Variants in RTL4 observed in about 807,000 individuals in gnomAD.
RTL4 encodes retrotransposon Gag-like protein 4.
A neutral mutation model predicts 5.3 loss-of-function variants in RTL4; 4 were observed. That is an observed-to-expected ratio of 0.75 (90% CI 0.37 to 1.72). The LOEUF (loss-of-function observed/expected upper bound fraction) is 1.72, where lower values mean the gene tolerates loss of function less well. Ranked by LOEUF, RTL4 falls within the 40% of genes most tolerant of loss-of-function variation. RTL4 has a pLI of 0.04. For synonymous variants in RTL4, 98 were observed against 87.3 expected (o/e 1.12, Z -0.68); for missense variants, 260 against 227.1 (o/e 1.14, Z -0.93).
the RTL4 span, among the ~76,000 whole-genome samples, chrX:112,126,366 C>T: frequency 5.4e-5 from 6 of 112,057 alleles, no homozygotes; most frequent in Non-Finnish European, 1.1e-4. Context: ...CATCCTAACT[C>T]CCAAAGAATA....
the RTL4 span, among the ~76,000 whole-genome samples, chrX:112,217,889 T>C: frequency 1.8e-5 from 2 of 111,079 alleles, no homozygotes; most frequent in Non-Finnish European, 3.8e-5. Context: ...AGGAGTACCT[T>C]GCAAAAATGG....
the RTL4 span, among the ~76,000 whole-genome samples, chrX:112,146,013 C>T: frequency 8.9e-6 from 1 of 112,173 alleles, no homozygotes; most frequent in Admixed American, 9.5e-5. Flanking sequence ...AATTGCTTGA[C>T]TATTGATTTT....
chrX:112,286,097 T>C, the RTL4 span, among the ~76,000 whole-genome samples: 1 of 111,782 alleles, frequency 8.9e-6, no homozygotes, highest in African/African-American at 3.2e-5. Context: ...GGGAGGATAC[T>C]GTGTTTGATA....
At chrX:112,360,148 C>T in the RTL4 span, among the ~76,000 whole-genome samples, 7 of 111,424 alleles carry the variant, frequency 6.3e-5, no homozygotes, top group South Asian at 1.9e-3. Flanking sequence ...ACTTACTCAT[C>T]CTTTCACAGA....
the RTL4 span, among the ~76,000 whole-genome samples, chrX:112,437,653 C>T: frequency 3.6e-5 from 4 of 111,278 alleles, no homozygotes; most frequent in African/African-American, 1.3e-4. Context: ...AGCCACTAAC[C>T]TTTCAGAATC....
chrX:112,324,290 C>T, the RTL4 span, among the ~76,000 whole-genome samples: 2 of 112,097 alleles, frequency 1.8e-5, no homozygotes, highest in Non-Finnish European at 3.8e-5. Flanking sequence ...AATAATATTT[C>T]ATTGCATGGA....
At chrX:112,124,406 T>C in the RTL4 span, among the ~76,000 whole-genome samples, 2 of 111,200 alleles carry the variant, frequency 1.8e-5, no homozygotes, top group East Asian at 5.7e-4. Context: ...AATAGCACAG[T>C]CATGGAACCA....
the RTL4 span, among the ~76,000 whole-genome samples, chrX:112,264,687 C>G: frequency 2.7e-5 from 3 of 111,841 alleles, no homozygotes; most frequent in East Asian, 8.5e-4. Flanking sequence ...TCTTCCTTCT[C>G]TTCCTCATTA....
chrX:112,281,864 G>C, the RTL4 span, among the ~76,000 whole-genome samples: 1 of 111,859 alleles, frequency 8.9e-6, no homozygotes, highest in Non-Finnish European at 1.9e-5. Context: ...GGTTGTTTGA[G>C]TTCCTTATAT....
At chrX:112,118,786 A>G in the RTL4 span, among the ~76,000 whole-genome samples, 5 of 112,076 alleles carry the variant, frequency 4.5e-5, no homozygotes, top group Non-Finnish European at 7.5e-5. Context: ...GAGATTATAG[A>G]TATTTTAAAA....
chrX:112,199,892 C>G, the RTL4 span, among the ~76,000 whole-genome samples: 1 of 112,219 alleles, frequency 8.9e-6, no homozygotes, highest in Non-Finnish European at 1.9e-5. Flanking sequence ...TGTAAAAAGA[C>G]TAGTAATGGT....
the RTL4 span, among the ~76,000 whole-genome samples, chrX:112,139,826 T>A: frequency 3.6e-5 from 4 of 111,917 alleles, no homozygotes; most frequent in Non-Finnish European, 7.5e-5. Context: ...GAATCATGAG[T>A]GCAGTTTCCC....
the RTL4 span, among the ~76,000 whole-genome samples, chrX:112,233,260 A>G: frequency 3.5e-4 from 39 of 112,051 alleles, no homozygotes; most frequent in Middle Eastern, 0.014. Flanking sequence ...ACTAACATCC[A>G]TCTCTTCCAA....
At chrX:112,333,570 G>T in the RTL4 span, among the ~76,000 whole-genome samples, 7 of 111,550 alleles carry the variant, frequency 6.3e-5, no homozygotes, top group African/African-American at 1.3e-4. Context: ...TGAAATATTT[G>T]CAGCATACTT....
At chrX:112,214,978 C>T in the RTL4 span, among the ~76,000 whole-genome samples, 9 of 110,561 alleles carry the variant, frequency 8.1e-5, no homozygotes, top group Non-Finnish European at 1.1e-4. Context: ...TTAGTAGAGA[C>T]GAGGTTTCAC....
chrX:112,169,003 C>CTTT, the RTL4 span, among the ~76,000 whole-genome samples: 1 of 70,663 alleles, frequency 1.4e-5, no homozygotes, highest in African/African-American at 5.6e-5. Flanking sequence ...TCCTTTCTTT[C>CTTT]CTTTCTTTCT....
the RTL4 span, among the ~76,000 whole-genome samples, chrX:112,189,834 T>C: frequency 8.9e-6 from 1 of 111,763 alleles, no homozygotes; most frequent in East Asian, 2.8e-4. Flanking sequence ...GTAAGTCTTT[T>C]AATGAGATTG....
chrX:112,324,406 A>T, the RTL4 span, among the ~76,000 whole-genome samples: 14 of 111,385 alleles, frequency 1.3e-4, no homozygotes, highest in South Asian at 1.1e-3. Context: ...AACTCCAAAA[A>T]CTCATTGCTG....
chrX:112,204,952 T>TA, the RTL4 span, among the ~76,000 whole-genome samples: 24 of 110,015 alleles, frequency 2.2e-4, no homozygotes, highest in African/African-American at 6.6e-4. Flanking sequence ...ACGCACAACT[T>TA]AAAAAAAAAT....
Sources: allele counts gnomAD v4.1 joint callset (sites outside exome capture counted in the v4.1 genomes callset), GRCh38; gene constraint gnomAD v4.1.1; transcripts MANE v1.5; gene names NCBI Gene and HGNC (gene_info 2026-07-23, HGNC 2026-07-21).